Variants in ADARB2 observed in about 807,000 individuals in gnomAD.
ADARB2 encodes inactive double-stranded RNA-specific editase B2.
In ADARB2, 25 loss-of-function variants were observed where a neutral mutation model predicts 62.2. The observed-to-expected ratio is 0.40, with a 90% confidence interval of 0.29 to 0.56. The LOEUF is 0.56. Ranked by LOEUF, ADARB2 falls within the 20% of genes least tolerant of loss-of-function variation. ADARB2 has a pLI of 0.43. For missense variants in ADARB2, 1,071 were observed against 1,077.4 expected (o/e 0.99, Z 0.08); for synonymous variants, 572 against 500.8 (o/e 1.14, Z -1.90).
chr10:1,353,077 A>G (rs1049948210), intron 3 of ADARB2, among the ~76,000 whole-genome samples: 5 of 152,116 alleles, frequency 3.3e-5, no homozygotes, highest in South Asian at 2.1e-4. Flanking sequence ...TCCATCTGCT[A>G]TTCTACTACT....
At chr10:1,587,983 T>C (rs1833201356) in intron 1 of ADARB2, among the ~76,000 whole-genome samples, 1 of 152,186 alleles carries the variant, frequency 6.6e-6, no homozygotes, top group Non-Finnish European at 1.5e-5. Flanking sequence ...TTAAGTGTCT[T>C]TTTCTTTATA....
intron 4 of ADARB2, among the ~76,000 whole-genome samples, chr10:1,266,736 CAGAA>C (rs1055862906): frequency 1.2e-4 from 18 of 152,190 alleles, no homozygotes; most frequent in African/African-American, 4.3e-4. Flanking sequence ...CCACGCGAAA[CAGAA>C]AGCCACTGCC....
intron 1 of ADARB2, among the ~76,000 whole-genome samples, chr10:1,485,545 A>T (rs1478209868): frequency 1.3e-5 from 2 of 152,126 alleles, no homozygotes; most frequent in Non-Finnish European, 2.9e-5. Flanking sequence ...GCCCACTTGC[A>T]GTGGGTGGGG....
intron 1 of ADARB2, among the ~76,000 whole-genome samples, chr10:1,428,292 ATTT>A (rs55975325): frequency 7.8e-6 from 1 of 128,188 alleles, no homozygotes; most frequent in African/African-American, 2.8e-5. Context: ...TTTTATGCCT[ATTT>A]TTTTTTTTTT....
rs370355543 is a variant in ADARB2 at position 1,329,929 on chromosome 10, C to CTTT, written c.1077+33096_1077+33098dup. ...TACTAAAGCCAGGTAGAAGAAGTGC[C>CTTT]TTTTTTTTTTTTTTTTTTTTTTTTT... is the stretch of plus-strand genomic sequence containing the variant. On this transcript the variant is annotated intron_variant, in intron 3 of 9. Transcript: ENST00000381312. Among the ~76,000 whole-genome samples, 211 of 100,234 alleles carry CTTT rather than the reference C, an allele frequency of 2.1e-3. 2 individuals carry two copies. The highest frequency in any genetic ancestry group is 2.9e-3 in the South Asian group (6 of 2,066). The allele number at this position is 100,234 out of a possible 152,430, so 65.8% of individuals were successfully genotyped here.
intron 6 of ADARB2, among the ~76,000 whole-genome samples, chr10:1,228,388 T>A (rs1830766834): frequency 6.6e-6 from 1 of 152,184 alleles, no homozygotes; most frequent in African/African-American, 2.4e-5. Context: ...AGTACAGAGA[T>A]CCTCATCTTC....
In ADARB2 at chr10:1,664,186, A is replaced by G. The variant is rs114872162; in HGVS notation, c.100+72865T>C. 8.9e-3 allele frequency among the ~76,000 whole-genome samples: 1,292 copies of G among 144,630 alleles called. 35 individuals are homozygous for G. Among genetic ancestry groups the G allele is most frequent in the African/African-American group, 0.032 (1,225 of 38,696 alleles). The allele number at this position is 144,630 out of a possible 152,430, so 94.9% of individuals were successfully genotyped here. On this transcript the variant is annotated intron_variant, in intron 1 of 9. Transcript: ENST00000381312. ...CGTGTTTCTGTGCCTGTGGGTCAGT[A>G]TGTGGGTTTCTGTGTGTCCGTGTTT...
intron 3 of ADARB2, among the ~76,000 whole-genome samples, chr10:1,271,348 G>A (rs1383499005): frequency 6.6e-6 from 1 of 152,232 alleles, no homozygotes; most frequent in East Asian, 1.9e-4. Flanking sequence ...CATGGAAACA[G>A]TGTCTACTTC....
intron 1 of ADARB2, among the ~76,000 whole-genome samples, chr10:1,386,141 A>C (rs1832523294): frequency 6.6e-6 from 1 of 152,054 alleles, no homozygotes. Context: ...TGCATGCTTT[A>C]ATCTCTAGAT....
At position 1,729,049 on chromosome 10, in the gene ADARB2, T is replaced by G. The variant is rs186183212; in HGVS notation, c.100+8002A>C. On this transcript the variant is annotated intron_variant, in intron 1 of 9. Coordinates refer to ENST00000381312, the MANE Select transcript of ADARB2 (RefSeq NM_018702.4). The stretch of plus-strand genomic sequence containing the variant: ...GAATTCTGAGAATTTTCAAAATTTC[T>G]CCTTGAGCCATGTATTTTGGATTGA... 8.5e-4 allele frequency among the ~76,000 whole-genome samples: 130 copies of G among 152,356 alleles called. 1 individual carries two copies. Among genetic ancestry groups the G allele is most frequent in the Middle Eastern group, 6.8e-3 (2 of 294 alleles).
intron 1 of ADARB2, among the ~76,000 whole-genome samples, chr10:1,623,547 C>T (rs1174576247): frequency 2.0e-5 from 3 of 152,218 alleles, no homozygotes; most frequent in Non-Finnish European, 2.9e-5. Flanking sequence ...CCATTGTCAG[C>T]GCCTACACCC....
chr10:1,504,109 G>A (rs910864466), intron 1 of ADARB2, among the ~76,000 whole-genome samples: 6 of 152,332 alleles, frequency 3.9e-5, no homozygotes, highest in East Asian at 3.9e-4. Flanking sequence ...TGACATGGAA[G>A]TGGCATGTTC....
At chr10:1,380,689 T>A (rs1384654441) in intron 1 of ADARB2, among the ~76,000 whole-genome samples, 1 of 152,164 alleles carries the variant, frequency 6.6e-6, no homozygotes, top group Admixed American at 6.5e-5. Flanking sequence ...GAGAGAACAA[T>A]AAATAACTCA....
intron 4 of ADARB2, among the ~76,000 whole-genome samples, chr10:1,257,933 G>A (rs1831094790): frequency 6.6e-6 from 1 of 152,192 alleles, no homozygotes; most frequent in Non-Finnish European, 1.5e-5. Flanking sequence ...TTACTTCAGA[G>A]GGTTACAGCT....
chr10:1,275,663 C>G, intron 3 of ADARB2, among the ~76,000 whole-genome samples: 1 of 122,130 alleles, frequency 8.2e-6, no homozygotes, highest in Non-Finnish European at 1.7e-5. Context: ...CCCCCTCCCC[C>G]CACCCCACAA....
At chr10:1,572,578 C>A (rs547308819) in intron 1 of ADARB2, among the ~76,000 whole-genome samples, 10 of 152,248 alleles carry the variant, frequency 6.6e-5, no homozygotes, top group African/African-American at 2.2e-4. Flanking sequence ...AATGGAAGGA[C>A]CACCTCTGCG....
intron 1 of ADARB2, chr10:1,535,461 T>C (rs2676731): frequency 1.3e-5 from 2 of 157,884 alleles, no homozygotes; most frequent in African/African-American, 2.4e-5. Flanking sequence ...GATTTGCTCG[T>C]GCACTTTACG....
At chr10:1,376,858 G>A (rs1365067592) in intron 2 of ADARB2, among the ~76,000 whole-genome samples, 2 of 140,280 alleles carry the variant, frequency 1.4e-5, no homozygotes, top group Admixed American at 7.0e-5. Flanking sequence ...CTCAGCTTTG[G>A]TGGGGCAGGG....
intron 8 of ADARB2, among the ~76,000 whole-genome samples, chr10:1,197,044 T>C (rs988067042): frequency 3.1e-4 from 48 of 152,394 alleles, no homozygotes; most frequent in African/African-American, 1.1e-3. Context: ...TGCTTATGTG[T>C]TTATTACTAA....
Sources: gnomAD v4.1 joint callset for allele counts (sites outside exome capture counted in the v4.1 genomes callset) on GRCh38, gnomAD v4.1.1 for gene constraint, MANE v1.5 for transcripts, NCBI Gene and HGNC (gene_info 2026-07-23, HGNC 2026-07-21) for gene names.